CA5A: variants seen among roughly 807,000 people sequenced by gnomAD.
CA5A encodes the protein carbonic anhydrase 5A, mitochondrial.
A neutral mutation model predicts 37.1 loss-of-function variants in CA5A; 28 were observed. The ratio of observed to expected loss-of-function variants is 0.75; its 90% CI spans 0.56 to 1.03. The LOEUF (loss-of-function observed/expected upper bound fraction) is 1.03, where lower values mean the gene tolerates loss of function less well. Among genes scored for constraint, CA5A ranks in the 50% least tolerant of loss-of-function variants. The pLI is 0.00. For missense variants in CA5A, 444 were observed against 399.9 expected (o/e 1.11, Z -0.94); for synonymous variants, 171 against 158.4 (o/e 1.08, Z -0.60).
chr16:87,895,796 A>G (rs1362877629), intron 5 of CA5A, among the ~76,000 whole-genome samples: 1 of 151,962 alleles, frequency 6.6e-6, no homozygotes, highest in Non-Finnish European at 1.5e-5. Flanking sequence ...CTCACTCAGC[A>G]CGGCGCTTTT....
chr16:87,912,156 G>C (rs111996969), intron 2 of CA5A, among the ~76,000 whole-genome samples: 4 of 152,184 alleles, frequency 2.6e-5, no homozygotes, highest in African/African-American at 9.6e-5. Flanking sequence ...ACAAAAATTA[G>C]CTGGGCGTGG....
At chr16:87,922,260 G>C (rs1303719977) in intron 2 of CA5A, among the ~76,000 whole-genome samples, 1 of 152,138 alleles carries the variant, frequency 6.6e-6, no homozygotes, top group African/African-American at 2.4e-5. Flanking sequence ...CTAGGACCAG[G>C]TGCGGTGGGG....
chr16:87,891,893 T>G lies in CA5A; in HGVS notation c.680A>C (p.Tyr227Ser). 1 of 1,572,470 alleles carries G rather than the reference T, an allele frequency of 6.4e-7. No homozygotes were observed. Among genetic ancestry groups the G allele is most frequent in the South Asian group, 1.2e-5 (1 of 85,616 alleles). Residue 227 changes from tyrosine (Y) to serine (S), a missense_variant, in exon 6 of 7, where the codon TAC becomes TCC. Transcript: ENST00000649794. ...GGTGAGCGAGCCCGCGTAGGTCCAG[T>G]AATCCCAGCAGGTGGGCAGCAGAGT... ...PSTLLPTCWDYWTYAGSLTTP... is the reference protein window; with the variant it reads ...PSTLLPTCWDSWTYAGSLTTP...
intron 1 of CA5A, among the ~76,000 whole-genome samples, chr16:87,932,379 A>G (rs1457487261): frequency 6.6e-6 from 1 of 152,008 alleles, no homozygotes; most frequent in Non-Finnish European, 1.5e-5. Flanking sequence ...GGGTAATTTT[A>G]GGTTCTGTTT....
In CA5A at chr16:87,935,601, C is replaced by T. The variant is rs370349803; in HGVS notation, c.142+708G>A. On this transcript the variant is annotated intron_variant, in intron 1 of 6. Coordinates refer to ENST00000649794, the MANE Select transcript of CA5A (RefSeq NM_001739.2). ...ACAAGAGAAACGGAGTGTGGCCAGG[C>T]GCGGTGGCTCACGCCTGTAATCCTA... Among the ~76,000 whole-genome samples the T allele has an allele frequency of 1.2e-4, 18 of 152,250 alleles. No homozygotes were observed. The East Asian group carries it at 2.7e-3, about 23-fold the overall frequency.
intron 2 of CA5A, among the ~76,000 whole-genome samples, chr16:87,924,716 G>A (rs1177784032): frequency 1.3e-5 from 2 of 152,266 alleles, no homozygotes; most frequent in Non-Finnish European, 2.9e-5. Context: ...AGCATGTTTA[G>A]TGTAAGGAAG....
At chr16:87,897,239 G>C (rs1244330959) in intron 5 of CA5A, among the ~76,000 whole-genome samples, 1 of 152,274 alleles carries the variant, frequency 6.6e-6, no homozygotes. Flanking sequence ...TTCCCCGGTA[G>C]CTCTGACTGT....
intron 2 of CA5A, among the ~76,000 whole-genome samples, chr16:87,913,151 G>C (rs1051201662): frequency 5.3e-5 from 8 of 151,972 alleles, no homozygotes; most frequent in African/African-American, 1.9e-4. Flanking sequence ...GCTAATTTTT[G>C]TATTATTACC....
chr16:87,913,090 T>A (rs1336989064), intron 2 of CA5A, among the ~76,000 whole-genome samples: 1 of 151,374 alleles, frequency 6.6e-6, no homozygotes, highest in Non-Finnish European at 1.5e-5. Flanking sequence ...TTCAAGCAAT[T>A]CTGCCTCAGC....
chr16:87,894,855 G>T (rs181234163), intron 5 of CA5A, among the ~76,000 whole-genome samples: 107 of 148,010 alleles, frequency 7.2e-4, no homozygotes, highest in African/African-American at 2.7e-3. Context: ...CTCCAGCCTG[G>T]GCAACAGAGA....
chr16:87,930,335 G>A (rs151302813), intron 1 of CA5A, among the ~76,000 whole-genome samples: 135 of 152,268 alleles, frequency 8.9e-4, no homozygotes, highest in African/African-American at 3.2e-3. Context: ...CAGCAAGCTC[G>A]CTGCAGTCTG....
intron 2 of CA5A, among the ~76,000 whole-genome samples, chr16:87,915,471 G>A (rs1281241355): frequency 1.3e-5 from 2 of 151,164 alleles, no homozygotes; most frequent in African/African-American, 4.9e-5. Context: ...GGAGAAGCTT[G>A]CAGTGAGCCC....
intron 2 of CA5A, among the ~76,000 whole-genome samples, chr16:87,926,467 G>T (rs1056273391): frequency 1.3e-5 from 2 of 152,202 alleles, no homozygotes; most frequent in Non-Finnish European, 2.9e-5. Flanking sequence ...GCTGCAAGGC[G>T]AGCCCCACGG....
At chr16:87,893,785 CAA>C (rs764700506) in intron 5 of CA5A, 2 of 380,304 alleles carry the variant, frequency 5.3e-6, no homozygotes, top group South Asian at 2.1e-5. Context: ...AGCCAAAAAA[CAA>C]AAAGAGTCAG....
chr16:87,917,632 T>C (rs566707189), intron 2 of CA5A, among the ~76,000 whole-genome samples: 2 of 150,846 alleles, frequency 1.3e-5, no homozygotes, highest in Admixed American at 1.3e-4. Flanking sequence ...CAAACACACA[T>C]GTGCGCACAC....
chr16:87,936,352 C>T lies in CA5A; in HGVS notation c.99G>A (p.Trp33Ter), dbSNP rs768805412. ...GCCATGCACAGGAACGCTGAGAACA[C>T]CATCGCCCTGGCCTCATCGAACGAC... is the stretch of plus-strand genomic sequence containing the variant. ...LWSRSMRPGR[W>*]CSQRSCAWQT... The change falls in exon 1 of 7, where the codon TGG becomes TGA. Residue 33 changes from tryptophan (W) to a stop codon, truncating the protein, a stop_gained. Transcript: ENST00000649794. LOFTEE classifies it high-confidence loss of function. The T allele has an allele frequency of 2.5e-6, 4 of 1,613,990 alleles. No individual in the cohort carries two copies. The highest frequency in any genetic ancestry group is 8.5e-7 in the Non-Finnish European group (1 of 1,179,948).
intron 5 of CA5A, 65 bp from the exon 6 acceptor site, chr16:87,892,019 T>A: frequency 6.3e-6 from 9 of 1,426,404 alleles, no homozygotes; most frequent in Non-Finnish European, 8.3e-6. Flanking sequence ...CCATCTTGTC[T>A]CAGCACGTGA....
chr16:87,912,250 C>T (rs1209647545), intron 2 of CA5A, among the ~76,000 whole-genome samples: 1 of 152,020 alleles, frequency 6.6e-6, no homozygotes. Flanking sequence ...TGCAGTGAGC[C>T]GAGGTCGTGT....
intron 4 of CA5A, chr16:87,882,235 C>T (rs1321135902): frequency 6.6e-6 from 1 of 152,260 alleles, no homozygotes; most frequent in Admixed American, 6.5e-5. Flanking sequence ...GAAGCCCAGA[C>T]AAGTGCCTTC....
Sources: gnomAD v4.1 joint callset for allele counts (sites outside exome capture counted in the v4.1 genomes callset) on GRCh38, gnomAD v4.1.1 for gene constraint, MANE v1.5 for transcripts, NCBI Gene and HGNC (gene_info 2026-07-23, HGNC 2026-07-21) for gene names.